RBM26: variants seen among roughly 807,000 people sequenced by gnomAD.
RBM26 encodes RNA-binding protein 26.
Under a neutral mutation model 123.6 loss-of-function variants are expected in RBM26, and 30 were observed. The observed-to-expected ratio is 0.24, with a 90% CI of 0.18 to 0.33. RBM26 has a LOEUF of 0.33. RBM26 is among the 10% of genes least tolerant of loss of function. The pLI, the probability that RBM26 is intolerant of heterozygous loss-of-function variation, is 1.00. For missense variants in RBM26, 947 were observed against 1,203.6 expected (o/e 0.79, Z 3.15); for synonymous variants, 400 against 404.4 (o/e 0.99, Z 0.13).
In RBM26 at chr13:79,387,586, C is replaced by T. The variant is rs2077595779; in HGVS notation, c.72-8679G>A. 2.0e-5 allele frequency among the ~76,000 whole-genome samples: 3 copies of T among 151,094 alleles called. No individual in the cohort carries two copies. The South Asian group carries it at 6.3e-4, about 31-fold the overall frequency. Reference sequence around the variant, plus strand: ...TTAAAAAAAAAAAAAAGGCACTGAACCATACGATCTGAAAAAGTGGGTCAT... The same window carrying T: ...TTAAAAAAAAAAAAAAGGCACTGAATCATACGATCTGAAAAAGTGGGTCAT... On this transcript the variant is annotated intron_variant, in intron 1 of 21. Coordinates refer to ENST00000438737, the MANE Select transcript of RBM26 (RefSeq NM_001366735.2).
chr13:79,360,854 C>T (rs757748193), intron 9 of RBM26, among the ~76,000 whole-genome samples: 4 of 152,120 alleles, frequency 2.6e-5, no homozygotes, highest in Non-Finnish European at 5.9e-5. Flanking sequence ...AAGTTTAAAA[C>T]ATGCAAACCT....
At chr13:79,329,109 GT>G (rs1315831012) in intron 20 of RBM26, among the ~76,000 whole-genome samples, 2 of 152,042 alleles carry the variant, frequency 1.3e-5, no homozygotes, top group East Asian at 3.9e-4. Flanking sequence ...GTTGGTGTCA[GT>G]GAGAAAGGTG....
At chr13:79,342,380 C>T (rs982535700) in intron 17 of RBM26, among the ~76,000 whole-genome samples, 5 of 151,792 alleles carry the variant, frequency 3.3e-5, no homozygotes, top group African/African-American at 1.2e-4. Flanking sequence ...TTATATAAAA[C>T]TAGTCAAGCA....
At chr13:79,380,463 T>C (rs1397218924) in intron 1 of RBM26, among the ~76,000 whole-genome samples, 4 of 149,694 alleles carry the variant, frequency 2.7e-5, no homozygotes, top group Middle Eastern at 3.4e-3. Flanking sequence ...ATGAACTAAG[T>C]AAAGGAGGGA....
chr13:79,321,152 T>C (rs2067632631), intron 21 of RBM26, among the ~76,000 whole-genome samples: 1 of 151,368 alleles, frequency 6.6e-6, no homozygotes, highest in Non-Finnish European at 1.5e-5. Flanking sequence ...GCAACAAACA[T>C]TTTCTATTAT....
rs893568123 is a variant in RBM26 at position 79,320,224 on chromosome 13, ACATT to A, written c.*393_*396del. ...CTATGTTATCTATTCAGTTTTGAAAACATTCATTAAGATTTTAAATGCAAATTCA... is the reference window on the plus strand; with the variant it reads ...CTATGTTATCTATTCAGTTTTGAAAACATTAAGATTTTAAATGCAAATTCA... On this transcript the variant is annotated 3_prime_UTR_variant, in exon 22 of 22. Transcript: ENST00000438737. 16 of 961,194 alleles carry A rather than the reference ACATT, an allele frequency of 1.7e-5. No homozygotes were observed. The highest frequency in any genetic ancestry group is 1.1e-4 in the East Asian group (1 of 8,744). The allele number at this position is 961,194 out of a possible 1,614,324, so 59.5% of individuals were successfully genotyped here. A position where few individuals can be genotyped will look rare whatever the true frequency, so the allele number is the denominator to read the frequency against.
At chr13:79,318,835 G>A, downstream of RBM26, 1 of 979,560 alleles carries the variant, frequency 1.0e-6, no homozygotes, top group Non-Finnish European at 1.2e-6. Flanking sequence ...TTGGTGTAAA[G>A]AGAAGAAACG....
At chr13:79,357,384 T>C (rs2074147032) in intron 11 of RBM26, among the ~76,000 whole-genome samples, 1 of 151,998 alleles carries the variant, frequency 6.6e-6, no homozygotes, top group Non-Finnish European at 1.5e-5. Context: ...AAGAACACCA[T>C]ACAAAATGGG....
At chr13:79,352,796 G>A (rs1594225686) in intron 14 of RBM26, among the ~76,000 whole-genome samples, 1 of 152,288 alleles carries the variant, frequency 6.6e-6, no homozygotes, top group African/African-American at 2.4e-5. Flanking sequence ...TAAGTGAAGA[G>A]CCAGGGCTCA....
At chr13:79,394,736 C>T (rs1221510015) in intron 1 of RBM26, among the ~76,000 whole-genome samples, 2 of 152,136 alleles carry the variant, frequency 1.3e-5, no homozygotes, top group African/African-American at 4.8e-5. Context: ...TGGGTTCAAG[C>T]GATTCTCCTG....
downstream of RBM26, among the ~76,000 whole-genome samples, chr13:79,316,013 G>A (rs1489858196): frequency 6.6e-6 from 1 of 151,744 alleles, no homozygotes; most frequent in Non-Finnish European, 1.5e-5. Flanking sequence ...TTTTCTTCTT[G>A]TCTTACAAAT....
At chr13:79,399,150 G>A (rs1594765030) in intron 1 of RBM26, among the ~76,000 whole-genome samples, 2 of 152,194 alleles carry the variant, frequency 1.3e-5, no homozygotes, top group Non-Finnish European at 2.9e-5. Flanking sequence ...CAGCTGGATA[G>A]ATCATAGGCA....
chr13:79,376,176 A>T (rs1384049880), intron 3 of RBM26: 1 of 152,108 alleles, frequency 6.6e-6, no homozygotes, highest in African/African-American at 2.4e-5. Flanking sequence ...GACTGCCAAC[A>T]ATTATTTTCA....
chr13:79,328,230 C>T (rs575260545), intron 20 of RBM26, among the ~76,000 whole-genome samples: 20 of 152,002 alleles, frequency 1.3e-4, no homozygotes, highest in African/African-American at 4.8e-4. Context: ...TCCAAACTGC[C>T]CTGACAAACT....
At chr13:79,334,911 C>T (rs191223258) in intron 19 of RBM26, among the ~76,000 whole-genome samples, 1 of 152,234 alleles carries the variant, frequency 6.6e-6, no homozygotes, top group African/African-American at 2.4e-5. Context: ...GATTCCAGGT[C>T]TCTTGATTCA....
At chr13:79,358,571 A>C (rs1257280659) in intron 10 of RBM26, 138 bp from the exon 11 acceptor site, 9 of 702,924 alleles carry the variant, frequency 1.3e-5, no homozygotes, top group Non-Finnish European at 2.1e-5. Flanking sequence ...TGATAAAGGA[A>C]ATTTAAATTT....
intron 14 of RBM26, among the ~76,000 whole-genome samples, chr13:79,351,604 C>A (rs117062845): frequency 9.3e-6 from 1 of 107,822 alleles, no homozygotes; most frequent in South Asian, 3.1e-4. Flanking sequence ...GTTGGGGCGG[C>A]GGGGGGGGAA....
intron 1 of RBM26, among the ~76,000 whole-genome samples, chr13:79,380,567 A>G (rs1351902771): frequency 6.6e-6 from 1 of 152,032 alleles, no homozygotes; most frequent in Non-Finnish European, 1.5e-5. Flanking sequence ...ACCTGTATGC[A>G]ATGTGTAATG....
chr13:79,329,168 G>A (rs9593391), intron 20 of RBM26, among the ~76,000 whole-genome samples: 1 of 151,820 alleles, frequency 6.6e-6, no homozygotes, highest in East Asian at 1.9e-4. Context: ...AAAAACCATA[G>A]AGTCTAGAAT....
Sources: allele counts gnomAD v4.1 joint callset (sites outside exome capture counted in the v4.1 genomes callset), GRCh38; gene constraint gnomAD v4.1.1; transcripts MANE v1.5; gene names NCBI Gene and HGNC (gene_info 2026-07-23, HGNC 2026-07-21).